CUEDC1: variants seen among roughly 807,000 people sequenced by gnomAD.
CUEDC1 encodes the protein CUE domain-containing protein 1.
Under a neutral mutation model 43.7 loss-of-function variants are expected in CUEDC1, and 30 were observed. That is an observed-to-expected ratio of 0.69 (90% CI 0.51 to 0.93). CUEDC1 has a LOEUF of 0.93. Among genes scored for constraint, CUEDC1 ranks in the 40% least tolerant of loss-of-function variants. The probability of loss-of-function intolerance (pLI) is 0.00; values close to 1 mark genes in which losing one functional copy is unlikely to be tolerated. For synonymous variants in CUEDC1, 223 were observed against 223.6 expected, an observed-to-expected ratio of 1.00 and a Z score of 0.02; for missense variants, 486 against 549.0, an observed-to-expected ratio of 0.89 and a Z score of 1.15.
At chr17:57,880,822 G>T (rs2074193925) in intron 2 of CUEDC1, among the ~76,000 whole-genome samples, 1 of 63,510 alleles carries the variant, frequency 1.6e-5, no homozygotes, top group Non-Finnish European at 3.2e-5. Flanking sequence ...GGCCAGGCTG[G>T]TCTTGAACTC....
At chr17:57,882,560 T>C (rs2074225340) in intron 2 of CUEDC1, among the ~76,000 whole-genome samples, 1 of 152,086 alleles carries the variant, frequency 6.6e-6, no homozygotes, top group Non-Finnish European at 1.5e-5. Context: ...AGTTCACACT[T>C]AAAGCATATA....
At chr17:57,888,544 C>G (rs756392172) in intron 1 of CUEDC1, among the ~76,000 whole-genome samples, 2 of 152,220 alleles carry the variant, frequency 1.3e-5, no homozygotes, top group Admixed American at 6.5e-5. Flanking sequence ...GGAAGGTAGC[C>G]AAGTATGACA....
chr17:57,867,287 A>C, intron 9 of CUEDC1, 70 bp downstream of exon 9: 4 of 1,457,822 alleles, frequency 2.7e-6, no homozygotes, highest in Non-Finnish European at 3.8e-6. Context: ...CCCATGAAAC[A>C]CCCAGGAACT....
chr17:57,928,417 C>T (rs1035345912), intron 1 of CUEDC1, among the ~76,000 whole-genome samples: 24 of 151,748 alleles, frequency 1.6e-4, no homozygotes, highest in Admixed American at 4.6e-4. Context: ...GGCGTGGTGG[C>T]GGGTGCCTGT....
At chr17:57,901,575 A>G (rs112371278) in intron 1 of CUEDC1, among the ~76,000 whole-genome samples, 3 of 152,212 alleles carry the variant, frequency 2.0e-5, no homozygotes, top group African/African-American at 7.2e-5. Flanking sequence ...ACAGTCATCA[A>G]ACAAAGGCAC....
At chr17:57,878,020 C>T (rs1458919093) in intron 3 of CUEDC1, among the ~76,000 whole-genome samples, 1 of 152,138 alleles carries the variant, frequency 6.6e-6, no homozygotes, top group Non-Finnish European at 1.5e-5. Flanking sequence ...TCCAGTACAG[C>T]CTGCCAGCTC....
chr17:57,899,854 C>T (rs1012266817), intron 1 of CUEDC1, among the ~76,000 whole-genome samples: 5 of 152,214 alleles, frequency 3.3e-5, no homozygotes, highest in African/African-American at 1.2e-4. Context: ...TGCGCACTGA[C>T]AGCACCCTCA....
At position 57,883,976 on chromosome 17, in the gene CUEDC1, G is replaced by A. The variant is rs541733747; in HGVS notation, c.336+1253C>T. Among the ~76,000 whole-genome samples the A allele has an allele frequency of 5.9e-5, 9 of 152,144 alleles. No homozygotes were observed. The East Asian group carries it at 1.7e-3, about 29-fold the overall frequency. On this transcript the variant is annotated intron_variant, in intron 2 of 10. Coordinates refer to ENST00000577830, the MANE Select transcript of CUEDC1 (RefSeq NM_001271875.2). ...GGGTGGCCAGATGTCCACTGAACTCGGGTGGGACTGGAAAGGACTCACAAC... is the reference window on the plus strand; with the variant it reads ...GGGTGGCCAGATGTCCACTGAACTCAGGTGGGACTGGAAAGGACTCACAAC...
In CUEDC1 at chr17:57,873,806, C is replaced by G. The variant is rs116346543; in HGVS notation, c.465-89G>C. The G allele has an allele frequency of 2.8e-3, 3,829 of 1,348,960 alleles. 72 individuals carry two copies. In the African/African-American group the frequency reaches 0.046, roughly 16 times the overall value. 83.6% of individuals were successfully genotyped at this position (1,348,960 alleles called of 1,614,324 possible). On this transcript the variant is annotated intron_variant, in intron 3 of 10. Transcript: ENST00000577830. ...CATCACACCAGGTCCTCAGGCAGGTCGGATCCTGCTCAGAGATTCCCATGG... is the reference window on the plus strand; with the variant it reads ...CATCACACCAGGTCCTCAGGCAGGTGGGATCCTGCTCAGAGATTCCCATGG...
chr17:57,884,401 T>C (rs1488258797), intron 2 of CUEDC1, among the ~76,000 whole-genome samples: 3 of 151,930 alleles, frequency 2.0e-5, no homozygotes, highest in African/African-American at 4.8e-5. Context: ...TTTCACCATA[T>C]TGGCCAGGCT....
intron 2 of CUEDC1, among the ~76,000 whole-genome samples, chr17:57,880,851 G>A (rs541434295): frequency 6.2e-5 from 7 of 112,914 alleles, no homozygotes; most frequent in South Asian, 2.7e-4. Flanking sequence ...CCATAGGGGC[G>A]GCCCCTGACT....
At chr17:57,949,579 T>G (rs2074987529) in intron 1 of CUEDC1, among the ~76,000 whole-genome samples, 1 of 142,578 alleles carries the variant, frequency 7.0e-6, no homozygotes, top group Non-Finnish European at 1.5e-5. Context: ...TTTTTTTTTT[T>G]TTTTTTTTTT....
chr17:57,913,046 C>T (rs1387392718), intron 1 of CUEDC1, among the ~76,000 whole-genome samples: 1 of 152,110 alleles, frequency 6.6e-6, no homozygotes, highest in African/African-American at 2.4e-5. Context: ...CTGGGTGTCT[C>T]CGGGCACAGT....
chr17:57,876,268 C>T (rs1051027525), intron 3 of CUEDC1, among the ~76,000 whole-genome samples: 1 of 152,158 alleles, frequency 6.6e-6, no homozygotes, highest in African/African-American at 2.4e-5. Context: ...TCCAGCCTCA[C>T]CCGCCGTTAG....
At chr17:57,901,331 TC>T (rs1179599138) in intron 1 of CUEDC1, among the ~76,000 whole-genome samples, 3 of 152,248 alleles carry the variant, frequency 2.0e-5, no homozygotes, top group Non-Finnish European at 4.4e-5. Context: ...GACTGCTTGG[TC>T]CCTGTAGCAG....
intron 1 of CUEDC1, among the ~76,000 whole-genome samples, chr17:57,904,240 C>T (rs1288615893): frequency 6.6e-6 from 1 of 152,140 alleles, no homozygotes; most frequent in African/African-American, 2.4e-5. Context: ...CCCTACCCCA[C>T]CGCGTCTCCT....
At chr17:57,899,502 C>G (rs926301925) in intron 1 of CUEDC1, among the ~76,000 whole-genome samples, 2 of 152,188 alleles carry the variant, frequency 1.3e-5, no homozygotes, top group African/African-American at 2.4e-5. Context: ...AGCCCAGTGG[C>G]TGCAGCACTG....
chr17:57,915,454 A>G (rs1400637220), intron 1 of CUEDC1, among the ~76,000 whole-genome samples: 1 of 152,108 alleles, frequency 6.6e-6, no homozygotes, highest in Non-Finnish European at 1.5e-5. Flanking sequence ...AGATAGGCAT[A>G]GCGTTCAGAT....
chr17:57,937,888 CAG>C (rs1297470991), intron 1 of CUEDC1, among the ~76,000 whole-genome samples: 2 of 151,986 alleles, frequency 1.3e-5, no homozygotes, highest in African/African-American at 4.8e-5. Context: ...GCTGGGACGA[CAG>C]AGAGAGACCT....
Sources: gnomAD v4.1 joint callset for allele counts (sites outside exome capture counted in the v4.1 genomes callset) on GRCh38, gnomAD v4.1.1 for gene constraint, MANE v1.5 for transcripts, NCBI Gene and HGNC (gene_info 2026-07-23, HGNC 2026-07-21) for gene names.